The following SLIT3 variants were observed in gnomAD, a reference collection of about 807,000 sequenced individuals.
The protein encoded by SLIT3 is slit homolog 3 protein.
In SLIT3, 68 loss-of-function variants were observed where a neutral mutation model predicts 184.0. The observed-to-expected ratio is 0.37, with a 90% confidence interval of 0.30 to 0.45. The LOEUF (loss-of-function observed/expected upper bound fraction) is 0.45. Ranked by LOEUF, SLIT3 falls within the 20% of genes least tolerant of loss-of-function variation. The pLI is 1.00. For missense variants in SLIT3, 1,707 were observed against 2,026.0 expected (o/e 0.84, Z 3.02); for synonymous variants, 831 against 828.6 (o/e 1.00, Z -0.05).
At chr5:169,047,666 C>T (rs1185395714) in intron 4 of SLIT3, among the ~76,000 whole-genome samples, 1 of 152,162 alleles carries the variant, frequency 6.6e-6, no homozygotes, top group East Asian at 1.9e-4. Flanking sequence ...CCCGACTACA[C>T]TGTCACTCCC....
At chr5:168,863,200 A>G (rs1246123596) in intron 5 of SLIT3, among the ~76,000 whole-genome samples, 1 of 152,164 alleles carries the variant, frequency 6.6e-6, no homozygotes. Flanking sequence ...ATTTTTTTTC[A>G]GTGACCATAT....
intron 3 of SLIT3, among the ~76,000 whole-genome samples, chr5:169,204,779 A>G (rs1347813859): frequency 6.6e-6 from 1 of 152,214 alleles, no homozygotes; most frequent in East Asian, 1.9e-4. Context: ...AGCAGAGGCC[A>G]GGGAGAGATG....
At chr5:168,744,947 A>G (rs1196065686) in intron 20 of SLIT3, among the ~76,000 whole-genome samples, 2 of 152,258 alleles carry the variant, frequency 1.3e-5, no homozygotes, top group Non-Finnish European at 2.9e-5. Context: ...TTGTAAGGCC[A>G]TAACTGCCAT....
At chr5:168,893,416 G>A (rs1431368467) in intron 4 of SLIT3, among the ~76,000 whole-genome samples, 2 of 152,118 alleles carry the variant, frequency 1.3e-5, no homozygotes. Context: ...TCCCTAATTT[G>A]ATTGTCATAG....
At chr5:169,050,724 C>CAGTGTTATATATACA (rs1293223141) in intron 4 of SLIT3, among the ~76,000 whole-genome samples, 2 of 151,796 alleles carry the variant, frequency 1.3e-5, no homozygotes, top group Non-Finnish European at 2.9e-5. Context: ...TAACACTTCA[C>CAGTGTTATATATACA]GTTGAGCTTG....
chr5:169,292,308 C>T (rs1045959983), intron 1 of SLIT3, among the ~76,000 whole-genome samples: 2 of 152,172 alleles, frequency 1.3e-5, no homozygotes, highest in African/African-American at 4.8e-5. Context: ...GCGTCATATC[C>T]TGTGTTGGTG....
intron 7 of SLIT3, 28 bp from the exon 8 acceptor site, chr5:168,817,491 C>T: frequency 6.3e-7 from 1 of 1,577,894 alleles, no homozygotes; most frequent in Non-Finnish European, 8.6e-7. Context: ...AGAGAGAAGG[C>T]ATGGTCACAG....
chr5:168,806,896 C>T (rs539839163), intron 8 of SLIT3, among the ~76,000 whole-genome samples: 25 of 152,080 alleles, frequency 1.6e-4, no homozygotes, highest in Non-Finnish European at 2.9e-4. Context: ...TGCCAGAATC[C>T]AAAGAGCATA....
At chr5:169,024,995 T>G (rs1437516697) in intron 4 of SLIT3, 1 of 152,158 alleles carries the variant, frequency 6.6e-6, no homozygotes, top group African/African-American at 2.4e-5. Flanking sequence ...GGGAAACTGT[T>G]CATTATAATT....
chr5:168,963,806 T>C (rs1430741871), intron 4 of SLIT3, among the ~76,000 whole-genome samples: 1 of 152,236 alleles, frequency 6.6e-6, no homozygotes, highest in East Asian at 1.9e-4. Flanking sequence ...TCAGGCTCTC[T>C]TTTGTTGGCT....
At chr5:168,804,310 C>CAAAAAAAAAAA (rs770650322) in intron 9 of SLIT3, among the ~76,000 whole-genome samples, 8 of 52,356 alleles carry the variant, frequency 1.5e-4, no homozygotes, top group East Asian at 8.9e-4. Flanking sequence ...AACTCTTTCT[C>CAAAAAAAAAAA]AAAAAAAAAA....
At chr5:169,077,088 A>G (rs191220241) in intron 4 of SLIT3, among the ~76,000 whole-genome samples, 1 of 151,552 alleles carries the variant, frequency 6.6e-6, no homozygotes, top group Non-Finnish European at 1.5e-5. Flanking sequence ...GCAAGAACAA[A>G]CTCTCCTCTT....
chr5:168,738,913 G>A (rs1763524052), intron 20 of SLIT3, among the ~76,000 whole-genome samples: 1 of 137,680 alleles, frequency 7.3e-6, no homozygotes, highest in African/African-American at 2.8e-5. Context: ...AGTCTGGCCT[G>A]GGTGAAAGAG....
At chr5:169,240,990 TA>T (rs1359285586) in intron 3 of SLIT3, among the ~76,000 whole-genome samples, 1 of 152,126 alleles carries the variant, frequency 6.6e-6, no homozygotes, top group Non-Finnish European at 1.5e-5. Context: ...TAGAACATTT[TA>T]ATTCCATTGA....
intron 16 of SLIT3, 34 bp downstream of exon 16, chr5:168,760,828 A>G (rs776269365): frequency 6.5e-6 from 10 of 1,532,054 alleles, no homozygotes; most frequent in Middle Eastern, 1.7e-4. Context: ...GCTAGAGAAC[A>G]GAGGCTGCTG....
chr5:169,220,316 T>TG (rs950588128), intron 3 of SLIT3, among the ~76,000 whole-genome samples: 3 of 118,112 alleles, frequency 2.5e-5, no homozygotes, highest in East Asian at 4.4e-4. Flanking sequence ...CCTAGCCAAA[T>TG]GGAAAAAAAA....
At chr5:168,677,258 A>C (rs1222449940) in intron 32 of SLIT3, among the ~76,000 whole-genome samples, 1 of 152,166 alleles carries the variant, frequency 6.6e-6, no homozygotes, top group African/African-American at 2.4e-5. Flanking sequence ...TTTTATACTC[A>C]TCTTACAACA....
chr5:169,129,508 C>T (rs188794092), intron 4 of SLIT3, among the ~76,000 whole-genome samples: 8 of 152,134 alleles, frequency 5.3e-5, no homozygotes, highest in South Asian at 2.1e-4. Context: ...GACGAGATTG[C>T]GCCATTGCAC....
chr5:168,937,590 C>G (rs748937808), intron 4 of SLIT3, among the ~76,000 whole-genome samples: 1 of 152,012 alleles, frequency 6.6e-6, no homozygotes. Context: ...TGGCCTTGTG[C>G]GGCGGAACGG....
Sources: allele counts gnomAD v4.1 joint callset (sites outside exome capture counted in the v4.1 genomes callset), GRCh38; gene constraint gnomAD v4.1.1; transcripts MANE v1.5; gene names NCBI Gene and HGNC (gene_info 2026-07-23, HGNC 2026-07-21).